The following TNK1 variants were observed in gnomAD, a reference collection of about 807,000 sequenced individuals.
The protein encoded by TNK1 is non-receptor tyrosine-protein kinase TNK1.
Under a neutral mutation model 65.2 loss-of-function variants are expected in TNK1, and 53 were observed. That is an observed-to-expected ratio of 0.81 (90% CI 0.65 to 1.02). The LOEUF is 1.02. Ranked by LOEUF, TNK1 falls within the 50% of genes least tolerant of loss-of-function variation. The probability of loss-of-function intolerance (pLI) is 0.00; values close to 1 mark genes in which losing one functional copy is unlikely to be tolerated. For missense variants in TNK1, 837 were observed against 878.4 expected (o/e 0.95, Z 0.60); for synonymous variants, 353 against 364.6 (o/e 0.97, Z 0.36).
rs149075634 is a variant in TNK1 at position 7,388,031 on chromosome 17, A to G, written c.1478-375A>G. ...CCTAGGCCTTGGTGTCCACTTGCCCATCTGTCTTATTGTCCCACCTGACAC... is the reference window on the plus strand; with the variant it reads ...CCTAGGCCTTGGTGTCCACTTGCCCGTCTGTCTTATTGTCCCACCTGACAC... On this transcript the variant is annotated intron_variant, in intron 10 of 12. Coordinates refer to ENST00000688331, the MANE Select transcript of TNK1 (RefSeq NM_003985.6). This position sits in a 1 kb window ranked among gnomAD's most constrained non-coding sequence, Gnocchi z 4.5. Among the ~76,000 whole-genome samples the G allele has an allele frequency of 7.2e-3, 1,100 of 152,292 alleles. 14 individuals are homozygous for G. The highest frequency in any genetic ancestry group is 0.025 in the African/African-American group (1,031 of 41,558).
At position 7,388,897 on chromosome 17, in the gene TNK1, C is replaced by CA; in HGVS notation, c.1872+14_1872+15insA. ...CGGAACCTCAAGGTAAAGCCAGCCC[C>CA]TTCTCTTGGGGTCCCTCCTCTCCTG... On this transcript the variant is annotated intron_variant, in intron 12 of 12. Coordinates refer to ENST00000688331, the MANE Select transcript of TNK1 (RefSeq NM_003985.6). The surrounding 1 kb of genome is among the most constrained non-coding windows in gnomAD (Gnocchi z 4.5). 1.9e-6 allele frequency: 3 copies of CA among 1,578,486 alleles called. No homozygotes were observed. Among genetic ancestry groups the CA allele is most frequent in the Non-Finnish European group, 2.6e-6 (3 of 1,162,062 alleles).
In TNK1 at chr17:7,383,877, A is replaced by G. The variant is rs1434164533; in HGVS notation, c.582+13A>G. 6.2e-7 allele frequency: 1 copy of G among 1,602,436 alleles called. No homozygotes were observed. Among genetic ancestry groups the G allele is most frequent in the Non-Finnish European group, 8.5e-7 (1 of 1,173,952 alleles). On this transcript the variant is annotated intron_variant, in intron 5 of 12. Transcript: ENST00000688331. ...GCCTCTGCAGATGGTGAGCAGATCC[A>G]GCCGCTGGTTCCCGGGACAGCCGTG...
At chr17:7,383,208 C>T in intron 2 of TNK1, 42 bp from the exon 3 acceptor site, 2 of 1,613,670 alleles carry the variant, frequency 1.2e-6, no homozygotes. Flanking sequence ...CACTCTTCCC[C>T]ACACCCACCT....
At chr17:7,381,259 C>G (rs1021734005) in intron 1 of TNK1, 145 bp downstream of exon 1, 1 of 152,488 alleles carries the variant, frequency 6.6e-6, no homozygotes, top group Non-Finnish European at 1.5e-5. Flanking sequence ...TGTCTCCCTT[C>G]TGCGCTCCCC....
At chr17:7,385,714 G>A (rs545829258) in intron 7 of TNK1, among the ~76,000 whole-genome samples, 12 of 152,132 alleles carry the variant, frequency 7.9e-5, no homozygotes, top group South Asian at 4.2e-4. Flanking sequence ...ACAGGCGCCT[G>A]CCACCACGCC....
Position 7,388,749 on chromosome 17 carries a change from G to A in TNK1, c.1777-39G>A. 1 of 1,604,368 alleles carries A rather than the reference G, an allele frequency of 6.2e-7. No homozygotes were observed. Among genetic ancestry groups the A allele is most frequent in the South Asian group, 1.1e-5 (1 of 89,516 alleles). ...GCCTGGTGTCCAGAAGGGGCTACAG[G>A]CAGGGGCAGGGGCCTGAGTGAGGCT... On this transcript the variant is annotated intron_variant, in intron 11 of 12. Coordinates refer to ENST00000688331, the MANE Select transcript of TNK1 (RefSeq NM_003985.6). This position sits in a 1 kb window ranked among gnomAD's most constrained non-coding sequence, Gnocchi z 4.5.
At chr17:7,381,893 A>G (rs1172735070) in intron 1 of TNK1, among the ~76,000 whole-genome samples, 5 of 152,204 alleles carry the variant, frequency 3.3e-5, no homozygotes, top group African/African-American at 1.2e-4. Context: ...TGTGACACGT[A>G]TGTACAAGGA....
In TNK1 at chr17:7,388,328, G is replaced by A. The variant is rs1404513537; in HGVS notation, c.1478-78G>A. On this transcript the variant is annotated intron_variant, in intron 10 of 12. Transcript: ENST00000688331. This position sits in a 1 kb window ranked among gnomAD's most constrained non-coding sequence, Gnocchi z 4.5. The stretch of plus-strand genomic sequence containing the variant: ...TAGTCCCAGCTACTCGGGAGGCTGA[G>A]GTGGGAGGATCGCTTGAGCCCGGGA... 4.2e-6 allele frequency: 6 copies of A among 1,440,362 alleles called. No homozygotes were observed. The highest frequency in any genetic ancestry group is 1.3e-5 in the South Asian group (1 of 74,118). 89.2% of individuals were successfully genotyped at this position (1,440,362 alleles called of 1,614,324 possible). A position where few individuals can be genotyped will look rare whatever the true frequency, so the allele number is the denominator to read the frequency against.
Position 7,389,375 on chromosome 17 carries a change from C to G in TNK1, c.*291C>G, listed in dbSNP as rs924156974. ...AACAAGAGGACTTGGAAGAAAAGAGCTGCTATACATCATATGCAGAGGAAG... is the reference window on the plus strand; with the variant it reads ...AACAAGAGGACTTGGAAGAAAAGAGGTGCTATACATCATATGCAGAGGAAG... On this transcript the variant is annotated 3_prime_UTR_variant, in exon 13 of 13. Transcript: ENST00000688331. The G allele has an allele frequency of 1.9e-5, 10 of 529,424 alleles. No homozygotes were observed. In the Admixed American group the frequency reaches 3.3e-4, roughly 18 times the overall value. The allele number at this position is 529,424 out of a possible 1,614,324, so 32.8% of individuals were successfully genotyped here.
At chr17:7,386,422 C>T (rs1905180182) in intron 7 of TNK1, 139 bp from the exon 8 acceptor site, 1 of 646,116 alleles carries the variant, frequency 1.5e-6, no homozygotes, top group South Asian at 1.8e-5. Context: ...CACTGAATTA[C>T]AATGGGGGGA....
chr17:7,384,729 C>A lies in TNK1; in HGVS notation c.1112C>A (p.Ser371Tyr). 1 of 1,583,810 alleles carries A rather than the reference C, an allele frequency of 6.3e-7. No individual in the cohort carries two copies. The highest frequency in any genetic ancestry group is 8.5e-7 in the Non-Finnish European group (1 of 1,169,618). Residue 371 changes from serine (S) to tyrosine (Y), a missense_variant, in exon 7 of 13, where the codon TCC becomes TAC. Coordinates refer to ENST00000688331, the MANE Select transcript of TNK1 (RefSeq NM_003985.6). ...APHPADRPSF[S>Y]HLEGLLQEAG... The stretch of plus-strand genomic sequence containing the variant: ...CACCCTGCCGACCGGCCTAGCTTTT[C>A]CCACCTGGAGGGGCTGCTGCAAGAG...
rs570180203 is a variant in TNK1, at chr17:7,384,179, C to G, written c.792C>G (p.Phe264Leu). ...CGCGCACCATCAAGGTGGCTGACTT[C>G]GGGCTGGTGCGGCCTCTGGGCGGTG... ...ASPRTIKVAD[F>L]GLVRPLGGAR... Residue 264 changes from phenylalanine (F) to leucine (L), a missense_variant, in exon 6 of 13, where the codon TTC becomes TTG. Transcript: ENST00000688331. 2.8e-4 allele frequency: 430 copies of G among 1,533,668 alleles called. 4 individuals are homozygous for G. In the South Asian group the frequency reaches 4.8e-3, roughly 17 times the overall value.
At chr17:7,387,561 C>G in intron 10 of TNK1, 104 bp downstream of exon 10, 1 of 965,394 alleles carries the variant, frequency 1.0e-6, no homozygotes, top group Non-Finnish European at 1.5e-6. Flanking sequence ...TTTCCTTCCT[C>G]TGAATTCTGT....
At chr17:7,384,308 G>C in intron 6 of TNK1, 55 bp downstream of exon 6, 3 of 1,434,844 alleles carry the variant, frequency 2.1e-6, no homozygotes, top group South Asian at 1.5e-5. Context: ...CCGGAGGGCA[G>C]CAGCCGAGGG....
intron 7 of TNK1, among the ~76,000 whole-genome samples, chr17:7,385,777 C>A (rs879606965): frequency 6.6e-6 from 1 of 152,154 alleles, no homozygotes; most frequent in Admixed American, 6.6e-5. Context: ...GTTGGCCAGG[C>A]TGGTTTCGAA....
In TNK1 at chr17:7,384,495, A is replaced by G. The variant is rs1269290717; in HGVS notation, c.878A>G (p.Glu293Gly). 2.6e-6 allele frequency: 4 copies of G among 1,564,246 alleles called. No homozygotes were observed. Among genetic ancestry groups the G allele is most frequent in the Non-Finnish European group, 3.5e-6 (4 of 1,150,854 alleles). Residue 293 changes from glutamate (E) to glycine (G), a missense_variant, in exon 7 of 13, where the codon GAG (glutamate) becomes GGG (glycine). Coordinates refer to ENST00000688331, the MANE Select transcript of TNK1 (RefSeq NM_003985.6). ...RPIPYAWCAPESLRHGAFSSA... is the reference protein window; with the variant it reads ...RPIPYAWCAPGSLRHGAFSSA... ...ACTTCCTTCGGCAGGTGTGCCCCAG[A>G]GAGCCTGCGCCACGGAGCCTTCTCG...
rs755382430 is a variant in TNK1 at position 7,383,695 on chromosome 17, C to T, written c.427-14C>T. The T allele has an allele frequency of 3.1e-6, 5 of 1,595,416 alleles. No homozygotes were observed. In the East Asian group the frequency reaches 8.9e-5, roughly 29 times the overall value. ...ATGCCCGCAATGCCTAAAGGCGCTTCCCCCCACCTCCAGGTCCCAGTGGCT... is the reference window on the plus strand; with the variant it reads ...ATGCCCGCAATGCCTAAAGGCGCTTTCCCCCACCTCCAGGTCCCAGTGGCT... On this transcript the variant is annotated splice_polypyrimidine_tract_variant and intron_variant, in intron 4 of 12. Coordinates refer to ENST00000688331, the MANE Select transcript of TNK1 (RefSeq NM_003985.6).
intron 6 of TNK1, 53 bp from the exon 7 acceptor site, chr17:7,384,431 G>A: frequency 6.8e-7 from 1 of 1,465,398 alleles, no homozygotes; most frequent in Non-Finnish European, 9.1e-7. Context: ...CGTGGAGGGT[G>A]GGCCTCCAAG....
chr17:7,385,684 C>T (rs1406789332), intron 7 of TNK1, among the ~76,000 whole-genome samples: 3 of 152,032 alleles, frequency 2.0e-5, no homozygotes, highest in Admixed American at 2.0e-4. Flanking sequence ...CCTGTTTCAG[C>T]CTCCCGAGTA....
Sources: gnomAD v4.1 joint callset for allele counts (sites outside exome capture counted in the v4.1 genomes callset) on GRCh38, gnomAD v4.1.1 for gene constraint, Gnocchi (gnomAD v3.1) non-coding constraint, MANE v1.5 for transcripts, NCBI Gene and HGNC (gene_info 2026-07-23, HGNC 2026-07-21) for gene names.